Variants in WNK4 observed in about 807,000 individuals in gnomAD.
The protein encoded by WNK4 is serine/threonine-protein kinase WNK4.
WNK4 carries 94 observed loss-of-function variants against 116.2 expected under a neutral mutation model. The ratio of observed to expected loss-of-function variants is 0.81; its 90% CI spans 0.68 to 0.96. The LOEUF (loss-of-function observed/expected upper bound fraction) is 0.96. Ranked by LOEUF, WNK4 falls within the 40% of genes least tolerant of loss-of-function variation. The probability of loss-of-function intolerance (pLI) is 0.00; values close to 1 mark genes in which losing one functional copy is unlikely to be tolerated. For synonymous variants in WNK4, 655 were observed against 672.7 expected (o/e 0.97, Z 0.41); for missense variants, 1,542 against 1,650.6 (o/e 0.93, Z 1.14).
chr17:42,795,290 C>G lies in WNK4; in HGVS notation c.2869C>G (p.Pro957Ala), dbSNP rs747254653. ...CCTTTCCCAGTCTCCTCCAGCCCCT[C>G]CTAGTCCCCTCCCTAGCCTGCCCCT... ...GLLSQSPPAPPSPLPSLPLPP... is the reference protein window; with the variant it reads ...GLLSQSPPAPASPLPSLPLPP... Residue 957 changes from proline to alanine, a missense_variant, in exon 14 of 19, where the codon CCT becomes GCT. This residue lies in a region of WNK4 where 292 missense variants were observed against 290.1 expected (regional missense o/e 1.01). Transcript: ENST00000246914. 6.2e-7 allele frequency: 1 copy of G among 1,614,024 alleles called. No homozygotes were observed. Among genetic ancestry groups the G allele is most frequent in the Admixed American group, 1.7e-5 (1 of 60,010 alleles).
Position 42,784,657 on chromosome 17 carries a change from A to G in WNK4, c.1170+78A>G, listed in dbSNP as rs559890577. The G allele has an allele frequency of 9.7e-5, 154 of 1,580,536 alleles. No individual in the cohort carries two copies. Among genetic ancestry groups the G allele is most frequent in the Middle Eastern group, 6.2e-4 (3 of 4,830 alleles). ...TCCTGCGCCGGCCAGCCCGCAGTCAATGCCCTTTGCCTGCACGAAAACAGG... is the reference window on the plus strand; with the variant it reads ...TCCTGCGCCGGCCAGCCCGCAGTCAGTGCCCTTTGCCTGCACGAAAACAGG... On this transcript the variant is annotated intron_variant, in intron 4 of 18. Transcript: ENST00000246914. The surrounding 1 kb of genome is among the most constrained non-coding windows in gnomAD (Gnocchi z 4.4).
intron 6 of WNK4, among the ~76,000 whole-genome samples, chr17:42,786,117 G>A (rs1031698449): frequency 6.6e-6 from 1 of 152,212 alleles, no homozygotes; most frequent in Non-Finnish European, 1.5e-5. Flanking sequence ...TGCATAGGGG[G>A]CAGTTTTATC....
rs1266637548 is a variant in WNK4 at position 42,781,054 on chromosome 17, C to A, written c.356C>A (p.Ala119Glu). 2 of 1,611,256 alleles carry A rather than the reference C, an allele frequency of 1.2e-6. No individual in the cohort carries two copies. The highest frequency in any genetic ancestry group is 3.4e-4 in the Middle Eastern group (2 of 5,948). The change falls in exon 1 of 19, where the codon GCG becomes GAG. Residue 119 changes from alanine to glutamate, a missense_variant. Coordinates refer to ENST00000246914, the MANE Select transcript of WNK4 (RefSeq NM_032387.5). ...ACCGAGGGAGCCCCTGTGAAGGCTG[C>A]GGAAGACTCCGCGCGTCCCGAGCTC... ...TWTEGAPVKA[A>E]EDSARPELPD...
At chr17:42,789,665 A>T (rs545574045) in intron 11 of WNK4, among the ~76,000 whole-genome samples, 2 of 143,060 alleles carry the variant, frequency 1.4e-5, no homozygotes, top group Admixed American at 1.4e-4. Context: ...ATTCTGTCTA[A>T]AAATAAATAA....
At position 42,782,639 on chromosome 17, in the gene WNK4, A is replaced by T; in HGVS notation, c.619-119A>T. 8.5e-7 allele frequency: 1 copy of T among 1,176,188 alleles called. No individual in the cohort carries two copies. Among genetic ancestry groups the T allele is most frequent in the Non-Finnish European group, 1.2e-6 (1 of 817,564 alleles). The allele number at this position is 1,176,188 out of a possible 1,614,324, so 72.9% of individuals were successfully genotyped here. ...AGCCCACTGGGCAAGTAATCCCATT[A>T]ACCCCACCCCATCTGTGGGCTCCAA... is the stretch of plus-strand genomic sequence containing the variant. On this transcript the variant is annotated intron_variant, in intron 1 of 18. Coordinates refer to ENST00000246914, the MANE Select transcript of WNK4 (RefSeq NM_032387.5). This position sits in a 1 kb window ranked among gnomAD's most constrained non-coding sequence, Gnocchi z 4.2.
intron 2 of WNK4, 115 bp from the exon 3 acceptor site, chr17:42,783,822 G>A: frequency 1.0e-6 from 1 of 989,640 alleles, no homozygotes; most frequent in Non-Finnish European, 1.5e-6. Flanking sequence ...GGAGAATGCT[G>A]GCAGAAGATG....
chr17:42,794,337 TGTTA>T, intron 12 of WNK4: 1 of 520,512 alleles, frequency 1.9e-6, no homozygotes, highest in Non-Finnish European at 3.4e-6. Context: ...ATTTGCCACT[TGTTA>T]GTGTTTTGCC....
chr17:42,787,978 T>C (rs933358864), intron 8 of WNK4, 79 bp downstream of exon 8: 10 of 1,601,198 alleles, frequency 6.2e-6, no homozygotes, highest in Admixed American at 1.7e-5. Flanking sequence ...CCCAATCTCA[T>C]GATCCAGTCC....
intron 1 of WNK4, 136 bp downstream of exon 1, chr17:42,781,452 G>C (rs2054482942): frequency 2.5e-6 from 3 of 1,220,986 alleles, no homozygotes; most frequent in African/African-American, 3.0e-5. Flanking sequence ...CACCTCTGCT[G>C]TCTTTGCCCT....
chr17:42,796,828 GGA>G lies in WNK4; in HGVS notation c.*144_*145del, dbSNP rs1470953463. 84 of 1,558,622 alleles carry G rather than the reference GGA, an allele frequency of 5.4e-5. No homozygotes were observed. In the Admixed American group the frequency reaches 1.4e-3, roughly 26 times the overall value. On this transcript the variant is annotated 3_prime_UTR_variant, in exon 19 of 19. Transcript: ENST00000246914. ...AAGGGGTAGAAGGCCAGGGGGGCAT[GGA>G]GAGTGCAGCTCCATTATAGTGAAGA...
intron 6 of WNK4, 129 bp downstream of exon 6, chr17:42,785,611 TCTC>T (rs779620288): frequency 6.8e-6 from 8 of 1,170,178 alleles, no homozygotes; most frequent in Middle Eastern, 2.8e-4. Flanking sequence ...CCTCTCAAAA[TCTC>T]CTGCAGCGTC....
In WNK4 at chr17:42,796,165, A is replaced by C; in HGVS notation, c.3474A>C (p.Lys1158Asn). ...AAACACTACAGACACTACAGAAAAA[A>C]GAAATTGAAGATTTGTACAGCCGGC... ...EVETLQTLQKKEIEDLYSRLG... is the reference protein window; with the variant it reads ...EVETLQTLQKNEIEDLYSRLG... The change falls in exon 17 of 19, where the codon AAA becomes AAC. Residue 1158 changes from lysine to asparagine, a missense_variant. Lys to Asn is a moderately conservative substitution (Grantham distance 94). This residue lies in a region of WNK4 where 148 missense variants were observed against 157.2 expected (regional missense o/e 0.94). Coordinates refer to ENST00000246914, the MANE Select transcript of WNK4 (RefSeq NM_032387.5). The C allele has an allele frequency of 6.2e-7, 1 of 1,614,164 alleles. No homozygotes were observed. Among genetic ancestry groups the C allele is most frequent in the Non-Finnish European group, 8.5e-7 (1 of 1,180,032 alleles).
chr17:42,787,278 G>T lies in WNK4; in HGVS notation c.1477G>T (p.Val493Leu), dbSNP rs1464986747. The change falls in exon 7 of 19, where the codon GTG becomes TTG. Residue 493 changes from valine (V) to leucine (L), a missense_variant and splice_region_variant. By Grantham distance (32) the Val-to-Leu change is conservative (BLOSUM62 1). Coordinates refer to ENST00000246914, the MANE Select transcript of WNK4 (RefSeq NM_032387.5). Reference sequence around the variant, plus strand: ...TCCTCATCCCCCACCCCAATTCCAGGTGGCTCTGGGCTTGGTCTGTGAAGC... The same window carrying T: ...TCCTCATCCCCCACCCCAATTCCAGTTGGCTCTGGGCTTGGTCTGTGAAGC... ...DAAEEVAQEMVALGLVCEADY... is the reference protein window; with the variant it reads ...DAAEEVAQEMLALGLVCEADY... 1.9e-6 allele frequency: 3 copies of T among 1,613,872 alleles called. No individual in the cohort carries two copies. Among genetic ancestry groups the T allele is most frequent in the East Asian group, 2.2e-5 (1 of 44,878 alleles).
intron 11 of WNK4, among the ~76,000 whole-genome samples, chr17:42,792,634 A>T (rs570884044): frequency 1.3e-5 from 2 of 152,274 alleles, no homozygotes; most frequent in East Asian, 1.9e-4. Flanking sequence ...AGTAAGTTTA[A>T]TTACGTATTT....
chr17:42,783,968 C>T lies in WNK4; in HGVS notation c.823C>T (p.Arg275Trp), dbSNP rs1568026991. 33 of 1,613,956 alleles carry T rather than the reference C, an allele frequency of 2.0e-5. No individual in the cohort carries two copies. Among genetic ancestry groups the T allele is most frequent in the Non-Finnish European group, 2.7e-5 (32 of 1,179,990 alleles). The change falls in exon 3 of 19, where the codon CGG becomes TGG. Residue 275 changes from arginine to tryptophan, a missense_variant. This residue lies in a region of WNK4 where 808 missense variants were observed against 873.6 expected (regional missense o/e 0.92). Coordinates refer to ENST00000246914, the MANE Select transcript of WNK4 (RefSeq NM_032387.5). Reference sequence around the variant, plus strand: ...GAGGCGGTTCCGGGAGATGAAGCCGCGGGTCCTTCAGCGCTGGAGCCGCCA... The same window carrying T: ...GAGGCGGTTCCGGGAGATGAAGCCGTGGGTCCTTCAGCGCTGGAGCCGCCA... ...YLRRFREMKPRVLQRWSRQIL... is the reference protein window; with the variant it reads ...YLRRFREMKPWVLQRWSRQIL...
At chr17:42,781,388 T>TG (rs2054482332) in intron 1 of WNK4, 72 bp downstream of exon 1, 2 of 1,597,724 alleles carry the variant, frequency 1.3e-6, no homozygotes, top group East Asian at 4.5e-5. Context: ...AGACAGAGGG[T>TG]GGGGGAGACA....
In WNK4 at chr17:42,795,620, TAC is replaced by T. The variant is rs1213947274; in HGVS notation, c.3023-3_3023-2del. The T allele has an allele frequency of 3.7e-6, 6 of 1,613,858 alleles. No homozygotes were observed. The highest frequency in any genetic ancestry group is 1.3e-5 in the African/African-American group (1 of 74,932). On this transcript the variant is annotated splice_region_variant and splice_polypyrimidine_tract_variant and intron_variant, in intron 15 of 18. Coordinates refer to ENST00000246914, the MANE Select transcript of WNK4 (RefSeq NM_032387.5). Reference sequence around the variant, plus strand: ...CCTCATGCCTTCTTCCTCGTCGCCCTACAGAGGGAAAGCCGCAGCTTGTTGGG... The same window carrying T: ...CCTCATGCCTTCTTCCTCGTCGCCCTAGAGGGAAAGCCGCAGCTTGTTGGG...
chr17:42,785,218 A>AGGGCCGC, intron 5 of WNK4, 33 bp downstream of exon 5: 1 of 1,610,140 alleles, frequency 6.2e-7, no homozygotes, highest in Non-Finnish European at 8.5e-7. Flanking sequence ...TGGGTAGAAT[A>AGGGCCGC]GGGCCGCGGG....
rs750917827 is a variant in WNK4 at position 42,796,152 on chromosome 17, C to T, written c.3461C>T (p.Thr1154Ile). Residue 1154 changes from threonine to isoleucine, a missense_variant, in exon 17 of 19, where the codon ACA (threonine) becomes ATA (isoleucine). Transcript: ENST00000246914. The part of the protein sequence containing the change: ...KHLSEVETLQ[T>I]LQKKEIEDLY... ...TTGTCAGAGGTGGAAACACTACAGA[C>T]ACTACAGAAAAAAGAAATTGAAGAT... 7 of 1,613,986 alleles carry T rather than the reference C, an allele frequency of 4.3e-6. No homozygotes were observed. In the South Asian group the frequency reaches 6.6e-5, roughly 15 times the overall value.
Sources: gnomAD v4.1 joint callset for allele counts (sites outside exome capture counted in the v4.1 genomes callset) on GRCh38, gnomAD v4.1.1 for gene constraint, gnomAD v4.1.1 regional missense constraint, Gnocchi (gnomAD v3.1) non-coding constraint, MANE v1.5 for transcripts, NCBI Gene and HGNC (gene_info 2026-07-23, HGNC 2026-07-21) for gene names.